The following LRRC9 variants were observed in gnomAD, a reference collection of about 807,000 sequenced individuals.
LRRC9 encodes the protein leucine-rich repeat-containing protein 9.
Under a neutral mutation model 63.2 loss-of-function variants are expected in LRRC9, and 122 were observed. The observed-to-expected ratio is 1.93, with a 90% CI of 1.67 to 2.24. The LOEUF is 2.24. Ranked by LOEUF, LRRC9 falls within the 30% of genes most tolerant of loss-of-function variation. The probability of loss-of-function intolerance (pLI) is 0.00; values close to 1 mark genes in which losing one functional copy is unlikely to be tolerated. For missense variants in LRRC9, 1,071 were observed against 627.7 expected (o/e 1.71, Z -7.55); for synonymous variants, 366 against 213.1 (o/e 1.72, Z -6.25).
intron 23 of LRRC9, among the ~76,000 whole-genome samples, chr14:60,014,110 A>C (rs1338721568): frequency 6.6e-6 from 1 of 151,950 alleles, no homozygotes. Context: ...GTTCTATTAC[A>C]ATGCATATAC....
chr14:60,039,271 G>C (rs528641536), intron 29 of LRRC9, among the ~76,000 whole-genome samples: 1 of 152,260 alleles, frequency 6.6e-6, no homozygotes, highest in East Asian at 1.9e-4. Context: ...GATGATGCTG[G>C]CCTCATAAAA....
chr14:59,995,037 G>T (rs992503690), intron 17 of LRRC9, among the ~76,000 whole-genome samples: 4 of 151,802 alleles, frequency 2.6e-5, no homozygotes, highest in African/African-American at 9.7e-5. Context: ...ATGTATCGTT[G>T]TTACAGTGTT....
rs1156440302 is a variant in LRRC9 at position 59,944,752 on chromosome 14, T to A, written c.882+8T>A. 4.6e-6 allele frequency: 3 copies of A among 656,710 alleles called. No individual in the cohort carries two copies. The highest frequency in any genetic ancestry group is 3.7e-5 in the African/African-American group (2 of 54,406). The allele number at this position is 656,710 out of a possible 1,614,324, so 40.7% of individuals were successfully genotyped here. A position where few individuals can be genotyped will look rare whatever the true frequency, so the allele number is the denominator to read the frequency against. Reference sequence around the variant, plus strand: ...AGCTTTGTGAAGAAAACTGTAAGATTTAATAATGTAAAATCCCAGTGGCCA... The same window carrying A: ...AGCTTTGTGAAGAAAACTGTAAGATATAATAATGTAAAATCCCAGTGGCCA... On this transcript the variant is annotated splice_region_variant and intron_variant, in intron 8 of 31. Transcript: ENST00000445360.
At chr14:60,062,926 T>G (rs1894747808) in intron 31 of LRRC9, among the ~76,000 whole-genome samples, 1 of 151,394 alleles carries the variant, frequency 6.6e-6, no homozygotes, top group South Asian at 2.1e-4. Context: ...AGTTTCACTC[T>G]TGTTGCCCAG....
chr14:59,989,178 T>C (rs1024369037), intron 17 of LRRC9, among the ~76,000 whole-genome samples: 2 of 152,078 alleles, frequency 1.3e-5, no homozygotes, highest in East Asian at 3.8e-4. Context: ...TCTTCCAATA[T>C]GTAGTTTAAA....
At chr14:60,038,209 A>G (rs111878187) in intron 29 of LRRC9, among the ~76,000 whole-genome samples, 2 of 152,150 alleles carry the variant, frequency 1.3e-5, no homozygotes, top group African/African-American at 2.4e-5. Flanking sequence ...TGATGCCTCC[A>G]GCTTTGTTCT....
intron 20 of LRRC9, among the ~76,000 whole-genome samples, chr14:60,002,317 G>A (rs747818914): frequency 6.6e-6 from 1 of 152,054 alleles, no homozygotes; most frequent in African/African-American, 2.4e-5. Flanking sequence ...AACTTTAGTC[G>A]TTAAAGTTAT....
In LRRC9 at chr14:59,944,883, CACAT is replaced by C. The variant is rs1277343573; in HGVS notation, c.882+141_882+144del. ...ACACACACTCACACACACACACACA[CACAT>C]ATGTAATTACTACTGAATTTCAAGT... On this transcript the variant is annotated intron_variant, in intron 8 of 31. Coordinates refer to ENST00000445360, the Ensembl canonical transcript of LRRC9. 20 of 419,002 alleles carry C rather than the reference CACAT, an allele frequency of 4.8e-5. No homozygotes were observed. The East Asian group carries it at 6.1e-4, about 13-fold the overall frequency. The allele number at this position is 419,002 out of a possible 1,614,324, so 26.0% of individuals were successfully genotyped here.
At position 60,027,388 on chromosome 14, in the gene LRRC9, T is replaced by C. The variant is rs1367331300; in HGVS notation, c.3704-496T>C. ...AGGTTTAGAGTTTTGAAGAATTAAA[T>C]GAACTTTGATGTGTTTAATATGATT... On this transcript the variant is annotated intron_variant, in intron 27 of 31. Transcript: ENST00000445360. The surrounding 1 kb of genome is among the most constrained non-coding windows in gnomAD (Gnocchi z 4.0). Among the ~76,000 whole-genome samples the C allele has an allele frequency of 6.6e-6, 1 of 152,056 alleles. No homozygotes were observed. The highest frequency in any genetic ancestry group is 2.4e-5 in the African/African-American group (1 of 41,446).
chr14:60,027,913 G>C lies in LRRC9; in HGVS notation c.3733G>C (p.Asp1245His), dbSNP rs553169928. ...TGAAATCAGCCAAGTTGAAGGGCTTGACAACTTAGTAGTCCTTCAAGAATT... is the reference window on the plus strand; with the variant it reads ...TGAAATCAGCCAAGTTGAAGGGCTTCACAACTTAGTAGTCCTTCAAGAATT... The change falls in exon 28 of 32, where the codon GAC (aspartate) becomes CAC (histidine). Residue 1245 changes from aspartate to histidine, a missense_variant. Transcript: ENST00000445360. This position sits in a 1 kb window ranked among gnomAD's most constrained non-coding sequence, Gnocchi z 4.0. 2.3e-5 allele frequency: 16 copies of C among 701,024 alleles called. No homozygotes were observed. Among genetic ancestry groups the C allele is most frequent in the Non-Finnish European group, 3.1e-5 (12 of 383,884 alleles). The allele number at this position is 701,024 out of a possible 1,614,324, so 43.4% of individuals were successfully genotyped here. A position where few individuals can be genotyped will look rare whatever the true frequency, so the allele number is the denominator to read the frequency against.
In LRRC9 at chr14:60,022,688, G is replaced by T. The variant is rs926527306; in HGVS notation, c.3567-46G>T. ...TGAACTGTCTTTTTATAATATAGCT[G>T]GTTTGAAGTTAAGTTTATGGCCTCA... On this transcript the variant is annotated intron_variant, in intron 26 of 31. Transcript: ENST00000445360. The T allele has an allele frequency of 3.6e-5, 19 of 524,514 alleles. No individual in the cohort carries two copies. In the Admixed American group the frequency reaches 5.7e-4, roughly 16 times the overall value. 32.5% of individuals were successfully genotyped at this position (524,514 alleles called of 1,614,324 possible). A position where few individuals can be genotyped will look rare whatever the true frequency, so the allele number is the denominator to read the frequency against.
intron 30 of LRRC9, among the ~76,000 whole-genome samples, chr14:60,056,687 G>A (rs959233693): frequency 6.6e-6 from 1 of 151,928 alleles, no homozygotes; most frequent in Non-Finnish European, 1.5e-5. Context: ...AAAATAAAGG[G>A]GGTATTTCAA....
At position 59,932,681 on chromosome 14, in the gene LRRC9, G is replaced by A. The variant is rs1354582975; in HGVS notation, c.543+642G>A. On this transcript the variant is annotated intron_variant, in intron 6 of 31. Transcript: ENST00000445360. This position sits in a 1 kb window ranked among gnomAD's most constrained non-coding sequence, Gnocchi z 4.7. ...ACAACTGGGTGCACCTTCAGAATAT[G>A]TCCAGAGTCTGATCACTTCTTACCA... 6.6e-6 allele frequency among the ~76,000 whole-genome samples: 1 copy of A among 152,026 alleles called. No homozygotes were observed. The highest frequency in any genetic ancestry group is 1.9e-4 in the East Asian group (1 of 5,184).
intron 29 of LRRC9, among the ~76,000 whole-genome samples, chr14:60,044,039 G>T (rs1259498979): frequency 1.3e-5 from 2 of 151,646 alleles, no homozygotes; most frequent in Non-Finnish European, 2.9e-5. Context: ...TTTGTAGGTT[G>T]TATGCATTCG....
rs1287867595 is a variant in LRRC9, at chr14:59,986,935, A to AATTT, written c.2211+1712_2211+1713insTTTA. Reference sequence around the variant, plus strand: ...GACCTTTCAAATGTCAAGTCTCTAAAAATGACTCTAAGGATATTAGAGGTG... The same window carrying AATTT: ...GACCTTTCAAATGTCAAGTCTCTAAAATTTAATGACTCTAAGGATATTAGAGGTG... On this transcript the variant is annotated intron_variant, in intron 17 of 31. Transcript: ENST00000445360. The surrounding 1 kb of genome is among the most constrained non-coding windows in gnomAD (Gnocchi z 4.7). Among the ~76,000 whole-genome samples the AATTT allele has an allele frequency of 6.6e-6, 1 of 152,184 alleles. No individual in the cohort carries two copies. Among genetic ancestry groups the AATTT allele is most frequent in the African/African-American group, 2.4e-5 (1 of 41,452 alleles).
chr14:60,035,988 C>T (rs1440381539), intron 29 of LRRC9, among the ~76,000 whole-genome samples: 1 of 152,070 alleles, frequency 6.6e-6, no homozygotes, highest in African/African-American at 2.4e-5. Flanking sequence ...ATCAAAATGC[C>T]AACTGATTCA....
At chr14:59,991,448 G>A (rs1888085154) in intron 17 of LRRC9, among the ~76,000 whole-genome samples, 1 of 152,134 alleles carries the variant, frequency 6.6e-6, no homozygotes, top group African/African-American at 2.4e-5. Flanking sequence ...TCATCTCACT[G>A]GGGAGTGTCG....
At chr14:60,062,287 A>G (rs909300448) in intron 31 of LRRC9, 108 bp downstream of exon 32, 1 of 394,082 alleles carries the variant, frequency 2.5e-6, no homozygotes, top group Admixed American at 4.4e-5. Flanking sequence ...ACTATTATAT[A>G]TTTACTCTGG....
rs1250956541 is a variant in LRRC9 at position 60,051,601 on chromosome 14, C to A, written c.3991-1464C>A. ...TGGCTGGAATTCTAAGCCAGTGGGTCTTAACTTATGAGGTGCCATGAAACT... is the reference window on the plus strand; with the variant it reads ...TGGCTGGAATTCTAAGCCAGTGGGTATTAACTTATGAGGTGCCATGAAACT... On this transcript the variant is annotated intron_variant, in intron 29 of 31. Transcript: ENST00000445360. This position sits in a 1 kb window ranked among gnomAD's most constrained non-coding sequence, Gnocchi z 4.7. 6.6e-6 allele frequency among the ~76,000 whole-genome samples: 1 copy of A among 152,164 alleles called. No homozygotes were observed. The highest frequency in any genetic ancestry group is 1.5e-5 in the Non-Finnish European group (1 of 68,030).
Sources: gnomAD v4.1 joint callset for allele counts (sites outside exome capture counted in the v4.1 genomes callset) on GRCh38, gnomAD v4.1.1 for gene constraint, Gnocchi (gnomAD v3.1) non-coding constraint, MANE v1.5 for transcripts, NCBI Gene and HGNC (gene_info 2026-07-23, HGNC 2026-07-21) for gene names.